Variants in TEX101 observed in about 807,000 individuals in gnomAD.
TEX101 encodes testis-expressed protein 101.
A neutral mutation model predicts 18.1 loss-of-function variants in TEX101; 10 were observed. That is an observed-to-expected ratio of 0.55 (90% CI 0.34 to 0.94). The LOEUF (loss-of-function observed/expected upper bound fraction) is 0.94. Ranked by LOEUF, TEX101 falls within the 40% of genes least tolerant of loss-of-function variation. The probability of loss-of-function intolerance (pLI) is 0.02; values close to 1 mark genes in which losing one functional copy is unlikely to be tolerated. For synonymous variants in TEX101, 94 were observed against 114.8 expected (o/e 0.82, Z 1.16); for missense variants, 259 against 298.9 (o/e 0.87, Z 0.98).
At chr19:43,393,651 C>A in the TEX101 span, among the ~76,000 whole-genome samples, 1 of 152,142 alleles carries the variant, frequency 6.6e-6, no homozygotes, top group Non-Finnish European at 1.5e-5. Flanking sequence ...CATTACAGAT[C>A]AGCATTAATT....
chr19:43,418,317 G>A lies in TEX101; in HGVS notation c.670G>A (p.Ala224Thr), dbSNP rs1970505285. 1 of 1,614,148 alleles carries A rather than the reference G, an allele frequency of 6.2e-7. No individual in the cohort carries two copies. Among genetic ancestry groups the A allele is most frequent in the East Asian group, 2.2e-5 (1 of 44,874 alleles). The change falls in exon 6 of 6, where the codon GCC becomes ACC. Residue 224 changes from alanine to threonine, a missense_variant. Physicochemically the swap from Ala to Thr is moderately conservative, Grantham distance 58. Transcript: ENST00000598265. ...LTQPRKTENG[A>T]TCLPIPVWGL... ...TCAACCTCGAAAGACTGAAAATGGGGCCACCTGTCTTCCCATTCCTGTTTG... is the reference window on the plus strand; with the variant it reads ...TCAACCTCGAAAGACTGAAAATGGGACCACCTGTCTTCCCATTCCTGTTTG...
intron 3 of TEX101, among the ~76,000 whole-genome samples, chr19:43,409,470 G>A (rs553074823): frequency 1.3e-5 from 2 of 152,060 alleles, no homozygotes; most frequent in Non-Finnish European, 1.5e-5. Flanking sequence ...GTACAGATTG[G>A]TCAAATTGCA....
intron 4 of TEX101, among the ~76,000 whole-genome samples, chr19:43,417,477 C>G (rs901127617): frequency 6.6e-6 from 1 of 152,192 alleles, no homozygotes; most frequent in African/African-American, 2.4e-5. Context: ...ACATAGCTAA[C>G]CCCTGTTCAT....
chr19:43,410,389 AG>A (rs920764294), upstream of TEX101, among the ~76,000 whole-genome samples: 1 of 152,164 alleles, frequency 6.6e-6, no homozygotes, highest in African/African-American at 2.4e-5. Flanking sequence ...GGAAGAGACT[AG>A]GGATGTCCTG....
chr19:43,392,650 G>A, the TEX101 span, among the ~76,000 whole-genome samples: 15 of 152,142 alleles, frequency 9.9e-5, no homozygotes, highest in Admixed American at 1.3e-4. Flanking sequence ...AAAGAGGGAG[G>A]CACAGAGAGA....
chr19:43,418,065 C>G (rs1051744954), intron 5 of TEX101, 59 bp downstream of exon 5: 30 of 1,613,206 alleles, frequency 1.9e-5, no homozygotes, highest in Non-Finnish European at 2.3e-5. Context: ...GAGTGGCTCC[C>G]CAGAGATTCT....
rs1970495229 is a variant in TEX101 at position 43,417,746 on chromosome 19, A to C, written c.392-132A>C. On this transcript the variant is annotated intron_variant, in intron 4 of 5. Transcript: ENST00000598265. Reference sequence around the variant, plus strand: ...AGCAGAGAACACCAGCTGGGGAAGGATGGGGAGGCTGAAGTAATGGGCCTT... The same window carrying C: ...AGCAGAGAACACCAGCTGGGGAAGGCTGGGGAGGCTGAAGTAATGGGCCTT... 2.6e-6 allele frequency: 3 copies of C among 1,148,336 alleles called. No homozygotes were observed. In the East Asian group the frequency reaches 7.3e-5, roughly 28 times the overall value. 71.1% of individuals were successfully genotyped at this position (1,148,336 alleles called of 1,614,324 possible).
Position 43,416,203 on chromosome 19 carries a change from G to A in TEX101, c.169G>A (p.Gly57Arg). ...AGAGGAAGTGGAGACTTGTGACAAA[G>A]GGGCACTTTGCCAGGAAACCATACT... Reference protein sequence around the residue: ...TTEEVETCDKGALCQETILII... With the variant: ...TTEEVETCDKRALCQETILII... Residue 57 changes from glycine to arginine, a missense_variant, in exon 3 of 6, where the codon GGG becomes AGG. Transcript: ENST00000598265. 1 of 1,612,488 alleles carries A rather than the reference G, an allele frequency of 6.2e-7. No individual in the cohort carries two copies. The highest frequency in any genetic ancestry group is 1.1e-5 in the South Asian group (1 of 90,916).
chr19:43,398,524 T>C (rs1970293477), upstream of TEX101, among the ~76,000 whole-genome samples: 1 of 152,070 alleles, frequency 6.6e-6, no homozygotes, highest in Non-Finnish European at 1.5e-5. Flanking sequence ...TCTACCTAAA[T>C]GCTGGGATTA....
chr19:43,418,236 A>C lies in TEX101; in HGVS notation c.589A>C (p.Ile197Leu). Residue 197 changes from isoleucine to leucine, a missense_variant, in exon 6 of 6, where the codon ATC becomes CTC. Ile to Leu is a conservative substitution (Grantham distance 5). Transcript: ENST00000598265. ...AMIGCRLMSGILAVGPMFVRE... is the reference protein window; with the variant it reads ...AMIGCRLMSGLLAVGPMFVRE... ...GATTGGCTGCAGGCTGATGTCTGGA[A>C]TCTTAGCAGTAGGACCCATGTTTGT... The C allele has an allele frequency of 6.2e-7, 1 of 1,614,222 alleles. No homozygotes were observed.
rs148052365 is a variant in TEX101 at position 43,416,412 on chromosome 19, C to T, written c.248C>T (p.Pro83Leu). 82 of 1,614,114 alleles carry T rather than the reference C, an allele frequency of 5.1e-5. No individual in the cohort carries two copies. In the East Asian group the frequency reaches 1.1e-3, roughly 21 times the overall value. ...ATTTTGGCCACGAAGGGCTGCATCCCGGAAGGGGAGGAGGCCATAACAATT... is the reference window on the plus strand; with the variant it reads ...ATTTTGGCCACGAAGGGCTGCATCCTGGAAGGGGAGGAGGCCATAACAATT... ...TAILATKGCIPEGEEAITIVQ... is the reference protein window; with the variant it reads ...TAILATKGCILEGEEAITIVQ... Residue 83 changes from proline (P) to leucine (L), a missense_variant, in exon 4 of 6, where the codon CCG becomes CTG. Physicochemically the swap from Pro to Leu is moderately conservative, Grantham distance 98. Transcript: ENST00000598265.
In TEX101 at chr19:43,417,922, T is replaced by C. The variant is rs2122354482; in HGVS notation, c.436T>C (p.Leu146=). ...TTLHCPTCVA[L]GTCFSAPSLP... The stretch of plus-strand genomic sequence containing the variant: ...CCTCCATTGTCCAACCTGTGTGGCT[T>C]TGGGGACCTGTTTCAGTGCTCCTTC... Residue 146 remains leucine, a synonymous_variant, in exon 5 of 6, where the codon TTG becomes CTG. Coordinates refer to ENST00000598265, the MANE Select transcript of TEX101 (RefSeq NM_001130011.3). 6 of 1,614,204 alleles carry C rather than the reference T, an allele frequency of 3.7e-6. No individual in the cohort carries two copies. The highest frequency in any genetic ancestry group is 5.1e-6 in the Non-Finnish European group (6 of 1,180,030).
chr19:43,394,967 A>T, the TEX101 span, among the ~76,000 whole-genome samples: 2 of 152,214 alleles, frequency 1.3e-5, no homozygotes, highest in Non-Finnish European at 2.9e-5. Flanking sequence ...GATCAATTTT[A>T]AAAAGGCACA....
upstream of TEX101, among the ~76,000 whole-genome samples, chr19:43,400,470 A>T (rs1198437366): frequency 6.6e-6 from 1 of 152,186 alleles, no homozygotes; most frequent in Non-Finnish European, 1.5e-5. Flanking sequence ...TCTGGCCCTG[A>T]TGCATAATTA....
chr19:43,406,707 G>C (rs565009910), intron 3 of TEX101, among the ~76,000 whole-genome samples: 2 of 152,254 alleles, frequency 1.3e-5, no homozygotes, highest in South Asian at 4.1e-4. Context: ...TGTCCGAAGG[G>C]AGCGCAGGAA....
chr19:43,390,657 G>A, the TEX101 span, among the ~76,000 whole-genome samples: 1 of 151,010 alleles, frequency 6.6e-6, no homozygotes, highest in African/African-American at 2.4e-5. Context: ...TTAGCAGAGA[G>A]GGGATTTCAT....
In TEX101 at chr19:43,418,533, TTAA is replaced by T; in HGVS notation, c.*139_*141del. On this transcript the variant is annotated 3_prime_UTR_variant, in exon 6 of 6. Transcript: ENST00000598265. Reference sequence around the variant, plus strand: ...GATACTATGAACGTATTTGACATTTTTAATACAATTTCTGCTATAATTTTTGTA... The same window carrying T: ...GATACTATGAACGTATTTGACATTTTTACAATTTCTGCTATAATTTTTGTA... The T allele has an allele frequency of 2.9e-6, 2 of 697,360 alleles. No individual in the cohort carries two copies. The highest frequency in any genetic ancestry group is 3.9e-5 in the South Asian group (2 of 51,582). The allele number at this position is 697,360 out of a possible 1,614,324, so 43.2% of individuals were successfully genotyped here. A position where few individuals can be genotyped will look rare whatever the true frequency, so the allele number is the denominator to read the frequency against.
chr19:43,404,092 A>G (rs1268210429), intron 2 of TEX101, among the ~76,000 whole-genome samples: 2 of 148,130 alleles, frequency 1.4e-5, no homozygotes, highest in Non-Finnish European at 3.0e-5. Flanking sequence ...TTTTTGGAAA[A>G]AAAAAAAGCT....
the TEX101 span, among the ~76,000 whole-genome samples, chr19:43,391,628 G>A: frequency 0.057 from 8,728 of 152,112 alleles, 366 homozygotes; most frequent in Middle Eastern, 0.13. Context: ...ACTATACGGT[G>A]TATCTTGGAA....
Sources: allele counts gnomAD v4.1 joint callset (sites outside exome capture counted in the v4.1 genomes callset), GRCh38; gene constraint gnomAD v4.1.1; transcripts MANE v1.5; gene names NCBI Gene and HGNC (gene_info 2026-07-23, HGNC 2026-07-21).